XIRP2: variants seen among roughly 807,000 people sequenced by gnomAD.
XIRP2 encodes the protein xin actin-binding repeat-containing protein 2.
In XIRP2, 236 loss-of-function variants were observed where a neutral mutation model predicts 277.0. That is an observed-to-expected ratio of 0.85 (90% CI 0.77 to 0.95). The LOEUF (loss-of-function observed/expected upper bound fraction) is 0.95, where lower values mean the gene tolerates loss of function less well. Among genes scored for constraint, XIRP2 ranks in the 40% least tolerant of loss-of-function variants. XIRP2 has a pLI of 0.00. For synonymous variants in XIRP2, 1,490 were observed against 1,416.5 expected (o/e 1.05, Z -1.17); for missense variants, 4,640 against 4,157.5 (o/e 1.12, Z -3.19).
chr2:167,139,066 C>A (rs1691637799), intron 3 of XIRP2, among the ~76,000 whole-genome samples: 1 of 147,978 alleles, frequency 6.8e-6, no homozygotes, highest in Non-Finnish European at 1.5e-5. Context: ...GACTCTGTCT[C>A]AAAAAATATA....
At chr2:167,102,642 A>G (rs1690517278) in intron 2 of XIRP2, among the ~76,000 whole-genome samples, 1 of 152,196 alleles carries the variant, frequency 6.6e-6, no homozygotes, top group South Asian at 2.1e-4. Flanking sequence ...TAAAAAGTGT[A>G]ATATATGCTC....
chr2:167,245,593 G>A lies in XIRP2; in HGVS notation c.4201G>A (p.Glu1401Lys), dbSNP rs937437148. The A allele has an allele frequency of 2.5e-6, 4 of 1,613,518 alleles. No individual in the cohort carries two copies. The highest frequency in any genetic ancestry group is 2.2e-5 in the East Asian group (1 of 44,848). Residue 1401 changes from glutamate to lysine, a missense_variant, in exon 9 of 11, where the codon GAA (glutamate) becomes AAA (lysine). Transcript: ENST00000409195. ...FETQPLDQIS[E>K]ESHNIMPSID... Reference sequence around the variant, plus strand: ...AACTCAGCCACTGGATCAGATTTCTGAAGAATCACATAATATTATGCCCAG... The same window carrying A: ...AACTCAGCCACTGGATCAGATTTCTAAAGAATCACATAATATTATGCCCAG...
At chr2:167,074,435 A>G (rs1245747055) in intron 2 of XIRP2, among the ~76,000 whole-genome samples, 1 of 152,178 alleles carries the variant, frequency 6.6e-6, no homozygotes, top group Non-Finnish European at 1.5e-5. Context: ...TCAATACAAA[A>G]TATTATTAGC....
Position 167,247,392 on chromosome 2 carries a change from T to C in XIRP2, c.6000T>C (p.Thr2000=). The change falls in exon 9 of 11, where the codon ACT becomes ACC. Residue 2000 remains threonine, a synonymous_variant. Coordinates refer to ENST00000409195, the MANE Select transcript of XIRP2 (RefSeq NM_152381.6). ...GGGGAGCAGATACTCTCAGTCAAAC[T>C]ATGGGGAAATCTTGCCATGGCAATT... The part of the protein sequence containing the change: ...WQGGADTLSQ[T]MGKSCHGNLV... The C allele has an allele frequency of 6.2e-7, 1 of 1,613,790 alleles. No individual in the cohort carries two copies. Among genetic ancestry groups the C allele is most frequent in the Non-Finnish European group, 8.5e-7 (1 of 1,179,806 alleles).
chr2:167,156,102 A>G (rs1692188884), intron 3 of XIRP2, among the ~76,000 whole-genome samples: 1 of 151,542 alleles, frequency 6.6e-6, no homozygotes, highest in African/African-American at 2.4e-5. Context: ...AAAAGAGGAT[A>G]CAAACAAAGG....
At chr2:167,169,060 T>C (rs1692606063) in intron 3 of XIRP2, among the ~76,000 whole-genome samples, 1 of 150,598 alleles carries the variant, frequency 6.6e-6, no homozygotes, top group African/African-American at 2.5e-5. Context: ...AGACATGATA[T>C]ACTAGGTAAA....
intron 2 of XIRP2, among the ~76,000 whole-genome samples, chr2:167,062,674 C>T (rs1220188606): frequency 5.3e-5 from 8 of 152,048 alleles, no homozygotes; most frequent in African/African-American, 1.4e-4. Flanking sequence ...GTTTTTACTA[C>T]GATGTCTATA....
intron 2 of XIRP2, among the ~76,000 whole-genome samples, chr2:167,117,205 A>T (rs375065205): frequency 6.6e-6 from 1 of 151,926 alleles, no homozygotes; most frequent in East Asian, 1.9e-4. Flanking sequence ...TTGTGGAGTA[A>T]TTTTGCCTGT....
intron 2 of XIRP2, among the ~76,000 whole-genome samples, chr2:166,942,345 G>A (rs192230183): frequency 1.3e-5 from 2 of 152,138 alleles, no homozygotes; most frequent in African/African-American, 2.4e-5. Flanking sequence ...TCTTAATTTT[G>A]TGTAGCCCAC....
intron 2 of XIRP2, among the ~76,000 whole-genome samples, chr2:166,932,593 T>C (rs1224689979): frequency 6.6e-6 from 1 of 152,206 alleles, no homozygotes; most frequent in African/African-American, 2.4e-5. Flanking sequence ...GTTACTATAA[T>C]GTTCTGTGTA....
chr2:167,025,172 T>C (rs1313581174), intron 2 of XIRP2, among the ~76,000 whole-genome samples: 1 of 152,152 alleles, frequency 6.6e-6, no homozygotes, highest in Non-Finnish European at 1.5e-5. Flanking sequence ...TTCTTCCTGG[T>C]TTAGTGTTGG....
In XIRP2 at chr2:167,244,793, A is replaced by T; in HGVS notation, c.3401A>T (p.Gln1134Leu). 6.2e-7 allele frequency: 1 copy of T among 1,613,654 alleles called. No homozygotes were observed. Among genetic ancestry groups the T allele is most frequent in the Non-Finnish European group, 8.5e-7 (1 of 1,179,768 alleles). ...VKTCTWLFETQPLDTIKDDSE... is the reference protein window; with the variant it reads ...VKTCTWLFETLPLDTIKDDSE... Reference sequence around the variant, plus strand: ...ACTTGTACTTGGCTCTTTGAAACTCAGCCACTTGATACCATAAAAGATGAC... The same window carrying T: ...ACTTGTACTTGGCTCTTTGAAACTCTGCCACTTGATACCATAAAAGATGAC... The change falls in exon 9 of 11, where the codon CAG (glutamine) becomes CTG (leucine). Residue 1134 changes from glutamine to leucine, a missense_variant. Transcript: ENST00000409195.
intron 2 of XIRP2, among the ~76,000 whole-genome samples, chr2:167,002,104 G>A (rs995290004): frequency 6.6e-6 from 1 of 151,954 alleles, no homozygotes; most frequent in Admixed American, 6.6e-5. Context: ...TAAACTGAAA[G>A]TTTCAAAGTT....
chr2:167,169,709 AT>A (rs1692629659), intron 3 of XIRP2, among the ~76,000 whole-genome samples: 2 of 152,054 alleles, frequency 1.3e-5, no homozygotes, highest in African/African-American at 4.8e-5. Flanking sequence ...TTATTTTCTG[AT>A]TGTTTGCAGC....
intron 2 of XIRP2, among the ~76,000 whole-genome samples, chr2:167,028,273 A>T (rs1006498377): frequency 6.6e-6 from 1 of 152,072 alleles, no homozygotes; most frequent in Non-Finnish European, 1.5e-5. Flanking sequence ...CAAAAAATTA[A>T]ACCTCAAGAT....
At chr2:167,099,910 A>C (rs569820114) in intron 2 of XIRP2, among the ~76,000 whole-genome samples, 1 of 152,148 alleles carries the variant, frequency 6.6e-6, no homozygotes, top group African/African-American at 2.4e-5. Context: ...CGCCTTCTGC[A>C]TTGATCTCTC....
At chr2:167,086,880 T>A (rs1017011001) in intron 2 of XIRP2, among the ~76,000 whole-genome samples, 1 of 152,134 alleles carries the variant, frequency 6.6e-6, no homozygotes, top group African/African-American at 2.4e-5. Context: ...TCTTTGCCTT[T>A]GGTCTGAATG....
In XIRP2 at chr2:166,942,782, TA is replaced by T. The variant is rs543570323; in HGVS notation, c.408+38895del. On this transcript the variant is annotated intron_variant, in intron 2 of 10. Transcript: ENST00000409195. ...GAAATATCAGTATGAGGTTTTTTTT[TA>T]AATACAAAATAAAAGCCTTGAAGAG... Among the ~76,000 whole-genome samples the T allele has an allele frequency of 1.1e-4, 16 of 152,298 alleles. No homozygotes were observed. The East Asian group carries it at 2.7e-3, about 26-fold the overall frequency.
At chr2:167,253,528 C>A (rs1322149623) in intron 9 of XIRP2, among the ~76,000 whole-genome samples, 5 of 151,668 alleles carry the variant, frequency 3.3e-5, no homozygotes, top group Non-Finnish European at 7.4e-5. Context: ...GTGTCCTTGG[C>A]TTAAAAAACA....
Sources: gnomAD v4.1 joint callset for allele counts (sites outside exome capture counted in the v4.1 genomes callset) on GRCh38, gnomAD v4.1.1 for gene constraint, MANE v1.5 for transcripts, NCBI Gene and HGNC (gene_info 2026-07-23, HGNC 2026-07-21) for gene names.